Variants in IL13 observed in about 807,000 individuals in gnomAD.
IL13 encodes the protein interleukin-13.
A neutral mutation model predicts 11.1 loss-of-function variants in IL13; 9 were observed. The observed-to-expected ratio is 0.81, with a 90% CI of 0.49 to 1.42. IL13 has a LOEUF of 1.42. Among genes scored for constraint, IL13 ranks in the 40% most tolerant of loss-of-function variants. IL13 has a pLI of 0.00. For missense variants in IL13, 181 were observed against 182.5 expected, an observed-to-expected ratio of 0.99 and a Z score of 0.05; for synonymous variants, 75 against 76.9, an observed-to-expected ratio of 0.97 and a Z score of 0.13.
chr5:132,660,521 G>A lies in IL13; in HGVS notation c.*239G>A. 1.9e-6 allele frequency: 1 copy of A among 516,874 alleles called. No homozygotes were observed. The highest frequency in any genetic ancestry group is 1.9e-5 in the African/African-American group (1 of 51,528). 32.0% of individuals were successfully genotyped at this position (516,874 alleles called of 1,614,324 possible). A position where few individuals can be genotyped will look rare whatever the true frequency, so the allele number is the denominator to read the frequency against. On this transcript the variant is annotated 3_prime_UTR_variant, in exon 4 of 4. Coordinates refer to ENST00000304506, the MANE Select transcript of IL13 (RefSeq NM_002188.3). ...CTCTGTCCAGGGCCCTGAGCTCGGTGGACCCAGGGATGACATGTCCCTACA... is the reference window on the plus strand; with the variant it reads ...CTCTGTCCAGGGCCCTGAGCTCGGTAGACCCAGGGATGACATGTCCCTACA...
chr5:132,659,283 G>A lies in IL13; in HGVS notation c.175-135G>A. ...AGAAAACGAAGCTCAGGAATGCTGAGGGGCTGCCAGGCCTGCCTCTGTGCC... is the reference window on the plus strand; with the variant it reads ...AGAAAACGAAGCTCAGGAATGCTGAAGGGCTGCCAGGCCTGCCTCTGTGCC... On this transcript the variant is annotated intron_variant, in intron 1 of 3. Coordinates refer to ENST00000304506, the MANE Select transcript of IL13 (RefSeq NM_002188.3). This position sits in a 1 kb window ranked among gnomAD's most constrained non-coding sequence, Gnocchi z 4.1. The A allele has an allele frequency of 1.4e-6, 1 of 695,048 alleles. No individual in the cohort carries two copies. Among genetic ancestry groups the A allele is most frequent in the Non-Finnish European group, 2.7e-6 (1 of 375,854 alleles). The allele number at this position is 695,048 out of a possible 1,614,324, so 43.1% of individuals were successfully genotyped here.
At position 132,660,704 on chromosome 5, in the gene IL13, A is replaced by G; in HGVS notation, c.*422A>G. On this transcript the variant is annotated 3_prime_UTR_variant, in exon 4 of 4. Coordinates refer to ENST00000304506, the MANE Select transcript of IL13 (RefSeq NM_002188.3). Reference sequence around the variant, plus strand: ...TCTTATTTATTATTGTGTGTTATTTAAATGAGTGTGTTTGTCACCGTTGGG... The same window carrying G: ...TCTTATTTATTATTGTGTGTTATTTGAATGAGTGTGTTTGTCACCGTTGGG... 1.1e-5 allele frequency: 2 copies of G among 184,022 alleles called. No homozygotes were observed. The highest frequency in any genetic ancestry group is 2.4e-5 in the African/African-American group (1 of 42,502). The allele number at this position is 184,022 out of a possible 1,614,324, so 11.4% of individuals were successfully genotyped here. A position where few individuals can be genotyped will look rare whatever the true frequency, so the allele number is the denominator to read the frequency against.
Position 132,659,008 on chromosome 5 carries a change from T to A in IL13, c.175-410T>A, listed in dbSNP as rs1039328070. 1 of 229,812 alleles carries A rather than the reference T, an allele frequency of 4.4e-6. No homozygotes were observed. Among genetic ancestry groups the A allele is most frequent in the African/African-American group, 2.2e-5 (1 of 45,242 alleles). The allele number at this position is 229,812 out of a possible 1,614,324, so 14.2% of individuals were successfully genotyped here. On this transcript the variant is annotated intron_variant, in intron 1 of 3. Coordinates refer to ENST00000304506, the MANE Select transcript of IL13 (RefSeq NM_002188.3). This position sits in a 1 kb window ranked among gnomAD's most constrained non-coding sequence, Gnocchi z 4.1. ...TCCTAACTGCAGTGTTCCCTCACCA[T>A]CAGAAGGCAGGGCATTTAATACACC...
intron 1 of IL13, chr5:132,658,667 G>C: frequency 3.1e-6 from 1 of 326,902 alleles, no homozygotes; most frequent in Non-Finnish European, 5.6e-6. Context: ...AGAAGGGCCA[G>C]CACCCTCCCA....
chr5:132,659,501 G>A lies in IL13; in HGVS notation c.228+30G>A. 6.3e-7 allele frequency: 1 copy of A among 1,596,824 alleles called. No homozygotes were observed. Among genetic ancestry groups the A allele is most frequent in the Non-Finnish European group, 8.6e-7 (1 of 1,165,994 alleles). On this transcript the variant is annotated intron_variant, in intron 2 of 3. Coordinates refer to ENST00000304506, the MANE Select transcript of IL13 (RefSeq NM_002188.3). The surrounding 1 kb of genome is among the most constrained non-coding windows in gnomAD (Gnocchi z 4.1). ...GGACCTTTGGGTGCAGGGAGGATGGGGCAGAGGCTCCAGGCCTTGGGCTTA... is the reference window on the plus strand; with the variant it reads ...GGACCTTTGGGTGCAGGGAGGATGGAGCAGAGGCTCCAGGCCTTGGGCTTA...
In IL13 at chr5:132,659,008, T is replaced by C. The variant is rs1039328070; in HGVS notation, c.175-410T>C. 4 of 229,812 alleles carry C rather than the reference T, an allele frequency of 1.7e-5. No individual in the cohort carries two copies. Among genetic ancestry groups the C allele is most frequent in the Admixed American group, 1.4e-4 (3 of 21,112 alleles). The allele number at this position is 229,812 out of a possible 1,614,324, so 14.2% of individuals were successfully genotyped here. A position where few individuals can be genotyped will look rare whatever the true frequency, so the allele number is the denominator to read the frequency against. Reference sequence around the variant, plus strand: ...TCCTAACTGCAGTGTTCCCTCACCATCAGAAGGCAGGGCATTTAATACACC... The same window carrying C: ...TCCTAACTGCAGTGTTCCCTCACCACCAGAAGGCAGGGCATTTAATACACC... On this transcript the variant is annotated intron_variant, in intron 1 of 3. Coordinates refer to ENST00000304506, the MANE Select transcript of IL13 (RefSeq NM_002188.3). This position sits in a 1 kb window ranked among gnomAD's most constrained non-coding sequence, Gnocchi z 4.1.
At chr5:132,660,119 G>A in intron 3 of IL13, 56 bp from the exon 4 acceptor site, 1 of 1,559,570 alleles carries the variant, frequency 6.4e-7, no homozygotes, top group Non-Finnish European at 8.8e-7. Flanking sequence ...CCTGGTTTGT[G>A]CGAGTCGTCC....
upstream of IL13, among the ~76,000 whole-genome samples, chr5:132,657,555 TTCTGGATCTC>T (rs1180892361): frequency 1.3e-5 from 2 of 152,102 alleles, no homozygotes; most frequent in Admixed American, 1.3e-4. Flanking sequence ...CTCTGAATCT[TTCTGGATCTC>T]TCAGTGGAGA....
rs1752079545 is a variant in IL13 at position 132,658,326 on chromosome 5, T to C, written c.140T>C (p.Ile47Thr). Residue 47 changes from isoleucine (I) to threonine (T), a missense_variant, in exon 1 of 4, where the codon ATT becomes ACT. Transcript: ENST00000304506. ...CCCTCTACAGCCCTCAGGGAGCTCA[T>C]TGAGGAGCTGGTCAACATCACCCAG... ...VPPSTALREL[I>T]EELVNITQNQ... The C allele has an allele frequency of 2.5e-6, 4 of 1,611,658 alleles. No individual in the cohort carries two copies. The highest frequency in any genetic ancestry group is 1.7e-5 in the Admixed American group (1 of 59,928).
rs1487296781 is a variant in IL13 at position 132,660,863 on chromosome 5, T to TC, written c.*583dup. 1 of 152,858 alleles carries TC rather than the reference T, an allele frequency of 6.5e-6. No individual in the cohort carries two copies. Among genetic ancestry groups the TC allele is most frequent in the African/African-American group, 2.4e-5 (1 of 41,360 alleles). The allele number at this position is 152,858 out of a possible 1,614,324, so 9.5% of individuals were successfully genotyped here. A position where few individuals can be genotyped will look rare whatever the true frequency, so the allele number is the denominator to read the frequency against. ...ACAGAATTCTGCTACCTCACTGGGG[T>TC]CCTGGGGCCTCGGAGCCTCATCCGA... On this transcript the variant is annotated 3_prime_UTR_variant, in exon 4 of 4. Coordinates refer to ENST00000304506, the MANE Select transcript of IL13 (RefSeq NM_002188.3).
rs1043559996 is a variant in IL13, at chr5:132,658,593, C to T, written c.174+233C>T. On this transcript the variant is annotated intron_variant, in intron 1 of 3. Coordinates refer to ENST00000304506, the MANE Select transcript of IL13 (RefSeq NM_002188.3). ...AGACTCCCCAGGGACTACCTGCTCT[C>T]CTGGCCTGGCCTTGTCTGCCACTGC... 63 of 444,496 alleles carry T rather than the reference C, an allele frequency of 1.4e-4. No individual in the cohort carries two copies. In the East Asian group the frequency reaches 2.1e-3, roughly 15 times the overall value. 27.5% of individuals were successfully genotyped at this position (444,496 alleles called of 1,614,324 possible). A position where few individuals can be genotyped will look rare whatever the true frequency, so the allele number is the denominator to read the frequency against.
Position 132,658,246 on chromosome 5 carries a change from C to T in IL13, c.60C>T (p.Thr20=), listed in dbSNP as rs55733734. ...LALGLMALLL[T]TVIALTCLGG... ...TGGGCCTCATGGCGCTTTTGTTGAC[C>T]ACGGTCATTGCTCTCACTTGCCTTG... is the stretch of plus-strand genomic sequence containing the variant. Residue 20 remains threonine (T), a synonymous_variant, in exon 1 of 4, where the codon ACC becomes ACT. Transcript: ENST00000304506. 1,206 of 1,610,492 alleles carry T rather than the reference C, an allele frequency of 7.5e-4. 2 individuals are homozygous for T. Among genetic ancestry groups the T allele is most frequent in the Middle Eastern group, 4.6e-3 (28 of 6,046 alleles).
Position 132,659,470 on chromosome 5 carries a change from T to C in IL13, c.227T>C (p.Met76Thr). 6.2e-7 allele frequency: 1 copy of C among 1,611,258 alleles called. No homozygotes were observed. Among genetic ancestry groups the C allele is most frequent in the Non-Finnish European group, 8.5e-7 (1 of 1,178,124 alleles). ...TGGAGCATCAACCTGACAGCTGGCA[T>C]GGTAAGGACCTTTGGGTGCAGGGAG... is the stretch of plus-strand genomic sequence containing the variant. Reference protein sequence around the residue: ...MVWSINLTAGMYCAALESLIN... With the variant: ...MVWSINLTAGTYCAALESLIN... The change falls in exon 2 of 4, where the codon ATG (methionine) becomes ACG (threonine). Residue 76 changes from methionine (M) to threonine (T), a missense_variant and splice_region_variant. By Grantham distance (81) the Met-to-Thr change is moderately conservative. Coordinates refer to ENST00000304506, the MANE Select transcript of IL13 (RefSeq NM_002188.3). This position sits in a 1 kb window ranked among gnomAD's most constrained non-coding sequence, Gnocchi z 4.1.
At chr5:132,657,923 G>A (rs970857595), upstream of IL13, among the ~76,000 whole-genome samples, 3 of 152,132 alleles carry the variant, frequency 2.0e-5, no homozygotes, top group African/African-American at 7.2e-5. Context: ...CAAATGCCAC[G>A]CCGCTCTCAG....
chr5:132,658,743 C>A (rs2066960), intron 1 of IL13: 29,448 of 198,214 alleles, frequency 0.15, 2,633 homozygotes, highest in East Asian at 0.34. Flanking sequence ...CCAGCACCAT[C>A]ATAGGCCCGC....
At position 132,659,960 on chromosome 5, in the gene IL13, C is replaced by A. The variant is rs1030999463; in HGVS notation, c.333+132C>A. ...GGTGGGGCCATTGTGGCAGCAGGGA[C>A]GTGGCCTTCGGGATTTACAGGATCT... On this transcript the variant is annotated intron_variant, in intron 3 of 3. Coordinates refer to ENST00000304506, the MANE Select transcript of IL13 (RefSeq NM_002188.3). The surrounding 1 kb of genome is among the most constrained non-coding windows in gnomAD (Gnocchi z 4.1). The A allele has an allele frequency of 8.9e-6, 13 of 1,460,002 alleles. No individual in the cohort carries two copies. In the African/African-American group the frequency reaches 1.4e-4, roughly 16 times the overall value. 90.4% of individuals were successfully genotyped at this position (1,460,002 alleles called of 1,614,324 possible). A position where few individuals can be genotyped will look rare whatever the true frequency, so the allele number is the denominator to read the frequency against.
upstream of IL13, among the ~76,000 whole-genome samples, chr5:132,657,583 A>G (rs2069743): frequency 0.055 from 8,382 of 152,226 alleles, 764 homozygotes; most frequent in African/African-American, 0.19. Context: ...AGACCTGGAA[A>G]TCTGAACTTT....
chr5:132,657,862 A>G (rs1752068322), upstream of IL13, among the ~76,000 whole-genome samples: 1 of 152,202 alleles, frequency 6.6e-6, no homozygotes, highest in Non-Finnish European at 1.5e-5. Flanking sequence ...TCAGCTGTCC[A>G]GGTACTCAGG....
At position 132,660,398 on chromosome 5, in the gene IL13, G is replaced by A. The variant is rs1285305442; in HGVS notation, c.*116G>A. 6.9e-7 allele frequency: 1 copy of A among 1,456,358 alleles called. No homozygotes were observed. Among genetic ancestry groups the A allele is most frequent in the Middle Eastern group, 1.8e-4 (1 of 5,624 alleles). 90.2% of individuals were successfully genotyped at this position (1,456,358 alleles called of 1,614,324 possible). ...TAGGCGGGAAGGAGGGTTAGGGAGG[G>A]GTAAAATTCCTTAGCTTAGACCTCA... On this transcript the variant is annotated 3_prime_UTR_variant, in exon 4 of 4. Transcript: ENST00000304506.
Sources: allele counts gnomAD v4.1 joint callset (sites outside exome capture counted in the v4.1 genomes callset), GRCh38; gene constraint gnomAD v4.1.1; non-coding constraint Gnocchi (gnomAD v3.1); transcripts MANE v1.5; gene names NCBI Gene and HGNC (gene_info 2026-07-23, HGNC 2026-07-21).